RYR2: variants seen among roughly 807,000 people sequenced by gnomAD.
RYR2 encodes the protein ryanodine receptor 2, also known as cardiac muscle ryanodine receptor-calcium release channel.
RYR2 carries 227 observed loss-of-function variants against 601.1 expected under a neutral mutation model. That is an observed-to-expected ratio of 0.38 (90% CI 0.34 to 0.42). RYR2 has a LOEUF of 0.42. Ranked by LOEUF, RYR2 falls within the 10% of genes least tolerant of loss-of-function variation. The pLI is 1.00. For missense variants in RYR2, 4,646 were observed against 6,156.5 expected (o/e 0.75, Z 8.21); for synonymous variants, 2,223 against 2,175.1 (o/e 1.02, Z -0.61).
intron 29 of RYR2, among the ~76,000 whole-genome samples, chr1:237,581,404 A>G (rs1294596781): frequency 6.6e-6 from 1 of 152,174 alleles, no homozygotes; most frequent in Non-Finnish European, 1.5e-5. Flanking sequence ...GAACTCATGG[A>G]ATTCCTTTCC....
chr1:237,200,630 A>G lies in RYR2; in HGVS notation c.49-69867A>G, dbSNP rs563825081. On this transcript the variant is annotated intron_variant, in intron 1 of 104. Coordinates refer to ENST00000366574, the MANE Select transcript of RYR2 (RefSeq NM_001035.3). ...ATCAGAAAATAAGTAGGAAAACTGC[A>G]GATTCTGGGGGGATTACTTTTGCCA... 2.8e-4 allele frequency among the ~76,000 whole-genome samples: 43 copies of G among 152,326 alleles called. 1 individual carries two copies. The highest frequency in any genetic ancestry group is 2.5e-3 in the Admixed American group (38 of 15,296).
rs185282062 is a variant in RYR2 at position 237,103,111 on chromosome 1, G to A, written c.48+60542G>A. On this transcript the variant is annotated intron_variant, in intron 1 of 104. Transcript: ENST00000366574. Reference sequence around the variant, plus strand: ...GCTCAATCTTGGATATTATAGTACTGTGGAGCTGGGATTATGGATGTCTGA... The same window carrying A: ...GCTCAATCTTGGATATTATAGTACTATGGAGCTGGGATTATGGATGTCTGA... Among the ~76,000 whole-genome samples, 9 of 152,310 alleles carry A rather than the reference G, an allele frequency of 5.9e-5. No homozygotes were observed. In the East Asian group the frequency reaches 1.7e-3, roughly 29 times the overall value.
chr1:237,229,636 G>A (rs1684755420), intron 1 of RYR2, among the ~76,000 whole-genome samples: 1 of 152,190 alleles, frequency 6.6e-6, no homozygotes, highest in African/African-American at 2.4e-5. Flanking sequence ...CCATCCTGAT[G>A]CTCCACACAC....
intron 25 of RYR2, among the ~76,000 whole-genome samples, chr1:237,539,871 C>T (rs1200928743): frequency 1.3e-5 from 2 of 151,980 alleles, no homozygotes; most frequent in African/African-American, 4.8e-5. Flanking sequence ...TTAAAATAGC[C>T]AATTTTTGTG....
At chr1:237,087,736 C>T (rs1015307741) in intron 1 of RYR2, among the ~76,000 whole-genome samples, 1 of 152,244 alleles carries the variant, frequency 6.6e-6, no homozygotes, top group Non-Finnish European at 1.5e-5. Flanking sequence ...GGGTGGCCAG[C>T]CTGGGTTTCT....
chr1:237,140,986 G>A (rs1558307414), intron 1 of RYR2, among the ~76,000 whole-genome samples: 2 of 152,162 alleles, frequency 1.3e-5, no homozygotes, highest in Admixed American at 6.5e-5. Flanking sequence ...GTATTGTCCT[G>A]TTTAAGGACA....
chr1:237,538,442 G>T (rs1668896912), intron 25 of RYR2, among the ~76,000 whole-genome samples: 1 of 131,044 alleles, frequency 7.6e-6, no homozygotes, highest in Non-Finnish European at 1.6e-5. Context: ...AGATGGTATT[G>T]ATGGTATTCG....
At chr1:237,775,840 AC>A in intron 87 of RYR2, among the ~76,000 whole-genome samples, 1 of 152,314 alleles carries the variant, frequency 6.6e-6, no homozygotes, top group South Asian at 2.1e-4. Flanking sequence ...AAAGCAAGGC[AC>A]CAGACTAGGG....
At chr1:237,745,800 A>G (rs575692737) in intron 80 of RYR2, among the ~76,000 whole-genome samples, 2 of 152,290 alleles carry the variant, frequency 1.3e-5, no homozygotes, top group Non-Finnish European at 2.9e-5. Flanking sequence ...GATACAGACC[A>G]GCAGATATGA....
intron 80 of RYR2, among the ~76,000 whole-genome samples, chr1:237,749,743 T>C (rs1191956867): frequency 6.6e-6 from 1 of 152,180 alleles, no homozygotes; most frequent in Non-Finnish European, 1.5e-5. Context: ...GCATAAGTAT[T>C]GATGAAAGCA....
At chr1:237,097,742 T>C (rs1667638833) in intron 1 of RYR2, among the ~76,000 whole-genome samples, 2 of 152,194 alleles carry the variant, frequency 1.3e-5, no homozygotes, top group African/African-American at 4.8e-5. Context: ...AAACCAAGTA[T>C]AATAATATTC....
At chr1:237,404,592 C>T (rs1703691802) in intron 10 of RYR2, among the ~76,000 whole-genome samples, 1 of 152,216 alleles carries the variant, frequency 6.6e-6, no homozygotes, top group Non-Finnish European at 1.5e-5. Context: ...CAGCTATACA[C>T]ATCCTGTATA....
At chr1:237,547,348 T>C (rs531698827) in intron 25 of RYR2, among the ~76,000 whole-genome samples, 1 of 152,324 alleles carries the variant, frequency 6.6e-6, no homozygotes, top group South Asian at 2.1e-4. Flanking sequence ...CATGTTTTAA[T>C]AATTAATTTT....
intron 32 of RYR2, 69 bp downstream of exon 32, chr1:237,591,922 C>T (rs747528890): frequency 7.2e-5 from 70 of 978,100 alleles, no homozygotes; most frequent in Non-Finnish European, 1.0e-4. Flanking sequence ...TCCAGTAATA[C>T]ATACCGATTC....
Position 237,574,274 on chromosome 1 carries a change from TG to T in RYR2, c.3598+4956del, listed in dbSNP as rs1169730437. On this transcript the variant is annotated intron_variant, in intron 29 of 104. Transcript: ENST00000366574. ...TTTTAGATGAGCTTAAGTTTTTCCA[TG>T]AATTCTTGTCTCTTCTCACCATTGG... Among the ~76,000 whole-genome samples, 13 of 152,294 alleles carry T rather than the reference TG, an allele frequency of 8.5e-5. No homozygotes were observed. The East Asian group carries it at 2.1e-3, about 25-fold the overall frequency.
At chr1:237,494,910 C>T (rs1029473061) in intron 19 of RYR2, among the ~76,000 whole-genome samples, 1 of 152,046 alleles carries the variant, frequency 6.6e-6, no homozygotes, top group African/African-American at 2.4e-5. Context: ...CCTGCCTCAG[C>T]CTCCTGAGTA....
intron 94 of RYR2, 51 bp from the exon 95 acceptor site, chr1:237,793,816 A>G: frequency 1.4e-6 from 2 of 1,404,878 alleles, no homozygotes; most frequent in South Asian, 1.2e-5. Flanking sequence ...TGACCACAAG[A>G]TATGCCAGTA....
chr1:237,361,146 A>G (rs1030692655), intron 4 of RYR2, among the ~76,000 whole-genome samples: 3 of 152,154 alleles, frequency 2.0e-5, no homozygotes, highest in Non-Finnish European at 2.9e-5. Flanking sequence ...CCAGACACAT[A>G]TTTTCATCAT....
intron 1 of RYR2, among the ~76,000 whole-genome samples, chr1:237,236,376 T>G (rs2149212286): frequency 6.6e-6 from 1 of 152,270 alleles, no homozygotes; most frequent in East Asian, 1.9e-4. Context: ...GATAAGAAAT[T>G]TATGAAAAAT....
Sources: allele counts gnomAD v4.1 joint callset (sites outside exome capture counted in the v4.1 genomes callset), GRCh38; gene constraint gnomAD v4.1.1; transcripts MANE v1.5; gene names NCBI Gene and HGNC (gene_info 2026-07-23, HGNC 2026-07-21).